Variants in TLN2 observed in about 807,000 individuals in gnomAD.
TLN2 encodes the protein talin 2, also known as talin-2.
In TLN2, 118 loss-of-function variants were observed where a neutral mutation model predicts 294.7. That is an observed-to-expected ratio of 0.40 (90% CI 0.34 to 0.47). TLN2 has a LOEUF of 0.47. Among genes scored for constraint, TLN2 ranks in the 20% least tolerant of loss-of-function variants. TLN2 has a pLI of 0.84. For synonymous variants in TLN2, 1,431 were observed against 1,304.5 expected, an observed-to-expected ratio of 1.10 and a Z score of -2.09; for missense variants, 3,083 against 3,282.2, an observed-to-expected ratio of 0.94 and a Z score of 1.48.
chr15:62,394,890 T>C (rs1345857045), intron 1 of TLN2, among the ~76,000 whole-genome samples: 1 of 152,170 alleles, frequency 6.6e-6, no homozygotes, highest in Non-Finnish European at 1.5e-5. Flanking sequence ...AGGACTGGGC[T>C]CATTTGCCAC....
At chr15:62,778,406 C>T (rs1431144504) in intron 43 of TLN2, among the ~76,000 whole-genome samples, 1 of 152,214 alleles carries the variant, frequency 6.6e-6, no homozygotes, top group African/African-American at 2.4e-5. Context: ...AACCGTGTAT[C>T]TACCTAAGGA....
intron 50 of TLN2, among the ~76,000 whole-genome samples, chr15:62,805,006 G>A (rs1001985784): frequency 2.0e-5 from 3 of 152,200 alleles, no homozygotes; most frequent in Non-Finnish European, 2.9e-5. Flanking sequence ...TCTAAAGGGG[G>A]TGGGTCGGTG....
intron 2 of TLN2, among the ~76,000 whole-genome samples, chr15:62,608,406 G>A (rs1021606348): frequency 6.6e-6 from 1 of 152,190 alleles, no homozygotes; most frequent in African/African-American, 2.4e-5. Context: ...TCCACTGGCT[G>A]GGATGTGGAG....
At chr15:62,474,964 G>T (rs1026499445) in intron 1 of TLN2, among the ~76,000 whole-genome samples, 1 of 151,884 alleles carries the variant, frequency 6.6e-6, no homozygotes, top group Non-Finnish European at 1.5e-5. Context: ...CAAAACAAAT[G>T]ACCTCACTGC....
intron 1 of TLN2, among the ~76,000 whole-genome samples, chr15:62,508,048 C>T (rs898489902): frequency 6.6e-6 from 1 of 151,814 alleles, no homozygotes; most frequent in Non-Finnish European, 1.5e-5. Flanking sequence ...CACCAAGAGG[C>T]TTCCATATTG....
intron 17 of TLN2, 117 bp downstream of exon 17, chr15:62,701,331 A>G (rs2058707555): frequency 2.2e-6 from 2 of 917,168 alleles, no homozygotes; most frequent in Admixed American, 5.8e-5. Flanking sequence ...ATATTATGAG[A>G]GGATAGTCTA....
At chr15:62,604,948 C>G (rs1301518202) in intron 2 of TLN2, among the ~76,000 whole-genome samples, 2 of 152,062 alleles carry the variant, frequency 1.3e-5, no homozygotes, top group Admixed American at 6.6e-5. Context: ...TGAGCCCCAT[C>G]ATAGGTGAAC....
Position 62,766,347 on chromosome 15 carries a change from G to T in TLN2, c.5121G>T (p.Val1707=), listed in dbSNP as rs35946975. The change falls in exon 41 of 59, where the codon GTG becomes GTT. Residue 1707 remains valine, a synonymous_variant. Transcript: ENST00000636159. The part of the protein sequence containing the change: ...VEALQEQLTS[V]VQEIGHLIDP... ...CCCTGCAGGAGCAGCTGACTTCGGTGGTCCAGGAAATCGGACACCTTATCG... is the reference window on the plus strand; with the variant it reads ...CCCTGCAGGAGCAGCTGACTTCGGTTGTCCAGGAAATCGGACACCTTATCG... The T allele has an allele frequency of 6.2e-7, 1 of 1,613,038 alleles. No homozygotes were observed. The highest frequency in any genetic ancestry group is 1.3e-5 in the African/African-American group (1 of 74,914).
chr15:62,539,168 G>A lies in TLN2; in HGVS notation c.-237-50519G>A, dbSNP rs1044767623. 1.2e-4 allele frequency among the ~76,000 whole-genome samples: 19 copies of A among 152,262 alleles called. No individual in the cohort carries two copies. In the Middle Eastern group the frequency reaches 0.01, roughly 82 times the overall value. The stretch of plus-strand genomic sequence containing the variant: ...AGCCAAATTAGAAGCAGACATTTTA[G>A]GGAGCTTAAGCAATGAAAATCTGAG... On this transcript the variant is annotated intron_variant, in intron 1 of 58. Coordinates refer to ENST00000636159, the MANE Select transcript of TLN2 (RefSeq NM_015059.3).
chr15:62,571,005 C>T (rs775149825), intron 1 of TLN2, among the ~76,000 whole-genome samples: 3 of 151,810 alleles, frequency 2.0e-5, no homozygotes, highest in Non-Finnish European at 4.4e-5. Context: ...ACTTTCAACC[C>T]AGCTGTAGTC....
chr15:62,647,572 T>G (rs1025017820), intron 4 of TLN2, 126 bp downstream of exon 4: 1 of 1,316,198 alleles, frequency 7.6e-7, no homozygotes, highest in Non-Finnish European at 1.1e-6. Flanking sequence ...ATGAAATACC[T>G]TCTTAGATCA....
At chr15:62,718,118 T>C (rs1209227806) in intron 24 of TLN2, among the ~76,000 whole-genome samples, 2 of 152,236 alleles carry the variant, frequency 1.3e-5, no homozygotes, top group African/African-American at 4.8e-5. Flanking sequence ...CCATCTAGCC[T>C]CTGTGACTTT....
chr15:62,633,469 A>G (rs1389891265), intron 3 of TLN2, among the ~76,000 whole-genome samples: 1 of 152,052 alleles, frequency 6.6e-6, no homozygotes, highest in East Asian at 1.9e-4. Flanking sequence ...GCTAGTTTTT[A>G]TATTTAAAAA....
chr15:62,803,643 T>G (rs2066080947), intron 50 of TLN2, among the ~76,000 whole-genome samples: 2 of 152,254 alleles, frequency 1.3e-5, no homozygotes, highest in Non-Finnish European at 1.5e-5. Flanking sequence ...CCAGAATATC[T>G]GCTTGATTCT....
chr15:62,556,523 G>A (rs1261439372), intron 1 of TLN2, among the ~76,000 whole-genome samples: 1 of 151,852 alleles, frequency 6.6e-6, no homozygotes, highest in Admixed American at 6.6e-5. Context: ...ATGTTGTCCA[G>A]GCTGGTCTCA....
chr15:62,440,479 A>C (rs1390039888), intron 1 of TLN2, among the ~76,000 whole-genome samples: 1 of 152,176 alleles, frequency 6.6e-6, no homozygotes, highest in African/African-American at 2.4e-5. Context: ...AAATACAACC[A>C]AATGGCAGAG....
chr15:62,793,247 G>A (rs1326064480), intron 46 of TLN2, among the ~76,000 whole-genome samples: 16 of 152,230 alleles, frequency 1.1e-4, no homozygotes, highest in Admixed American at 1.0e-3. Flanking sequence ...AGATGAGACA[G>A]TGAAGTGGGG....
chr15:62,478,538 T>C (rs1443123703), intron 1 of TLN2, among the ~76,000 whole-genome samples: 6 of 152,146 alleles, frequency 3.9e-5, no homozygotes, highest in African/African-American at 1.4e-4. Context: ...AGACTTCTTG[T>C]CTACCTCTGC....
chr15:62,495,862 G>A (rs1380805624), intron 1 of TLN2, among the ~76,000 whole-genome samples: 1 of 152,058 alleles, frequency 6.6e-6, no homozygotes, highest in African/African-American at 2.4e-5. Flanking sequence ...GCCTGGAGGC[G>A]GGAGGTTGGC....
Sources: allele counts gnomAD v4.1 joint callset (sites outside exome capture counted in the v4.1 genomes callset), GRCh38; gene constraint gnomAD v4.1.1; transcripts MANE v1.5; gene names NCBI Gene and HGNC (gene_info 2026-07-23, HGNC 2026-07-21).